ADGRL2: variants seen among roughly 807,000 people sequenced by gnomAD.
ADGRL2 encodes the protein adhesion G protein-coupled receptor L2.
Under a neutral mutation model 157.4 loss-of-function variants are expected in ADGRL2, and 44 were observed. That is an observed-to-expected ratio of 0.28 (90% CI 0.22 to 0.36). The LOEUF is 0.36. Among genes scored for constraint, ADGRL2 ranks in the 10% least tolerant of loss-of-function variants. The pLI is 1.00. For missense variants in ADGRL2, 1,510 were observed against 1,768.9 expected (o/e 0.85, Z 2.63); for synonymous variants, 585 against 624.7 (o/e 0.94, Z 0.95).
intron 1 of ADGRL2, among the ~76,000 whole-genome samples, chr1:81,335,361 T>C (rs577521686): frequency 7.9e-5 from 12 of 152,300 alleles, no homozygotes; most frequent in African/African-American, 2.9e-4. Flanking sequence ...GCCAGAGCTG[T>C]ATCTTAAATC....
intron 1 of ADGRL2, among the ~76,000 whole-genome samples, chr1:81,758,136 G>C (rs2085752355): frequency 6.6e-6 from 1 of 152,132 alleles, no homozygotes; most frequent in Admixed American, 6.6e-5. Flanking sequence ...CCCACATGAA[G>C]TGCAATTTTG....
intron 3 of ADGRL2, among the ~76,000 whole-genome samples, chr1:81,635,861 A>G (rs2082105305): frequency 6.6e-6 from 1 of 151,928 alleles, no homozygotes; most frequent in African/African-American, 2.4e-5. Context: ...TCCATCAGTC[A>G]CTCTATCCCT....
At chr1:81,754,372 T>A (rs991590163) in intron 1 of ADGRL2, among the ~76,000 whole-genome samples, 1 of 151,484 alleles carries the variant, frequency 6.6e-6, no homozygotes, top group Admixed American at 6.6e-5. Flanking sequence ...ACACCCAAAT[T>A]ATAATGAGCA....
intron 3 of ADGRL2, among the ~76,000 whole-genome samples, chr1:81,639,602 AG>A (rs1165977219): frequency 1.0e-4 from 12 of 116,624 alleles, no homozygotes; most frequent in Non-Finnish European, 2.4e-4. Flanking sequence ...ATCAAAAGAA[AG>A]CAGTAGTAAC....
At chr1:81,743,851 A>C in intron 1 of ADGRL2, among the ~76,000 whole-genome samples, 1 of 152,100 alleles carries the variant, frequency 6.6e-6, no homozygotes, top group Middle Eastern at 3.2e-3. Context: ...TGTGCTTTGA[A>C]AAGTGCCCAG....
At chr1:81,330,631 T>C (rs986503183) in intron 1 of ADGRL2, among the ~76,000 whole-genome samples, 1 of 152,168 alleles carries the variant, frequency 6.6e-6, no homozygotes, top group African/African-American at 2.4e-5. Flanking sequence ...TCTTTCCTAT[T>C]ATACCATGGC....
chr1:81,650,797 A>G (rs2082405393), intron 3 of ADGRL2, among the ~76,000 whole-genome samples: 1 of 152,148 alleles, frequency 6.6e-6, no homozygotes. Flanking sequence ...TGCTAGTGCT[A>G]CCTTAATCCT....
intron 2 of ADGRL2, among the ~76,000 whole-genome samples, chr1:81,471,781 G>A (rs2078177899): frequency 1.3e-5 from 2 of 152,124 alleles, no homozygotes; most frequent in African/African-American, 4.8e-5. Context: ...AACTGGATAA[G>A]ACCTAAATTT....
chr1:81,343,391 A>G (rs1172183202), intron 1 of ADGRL2, among the ~76,000 whole-genome samples: 1 of 152,144 alleles, frequency 6.6e-6, no homozygotes, highest in Non-Finnish European at 1.5e-5. Context: ...GGCCTGGCCA[A>G]CAATCTTTCT....
At chr1:81,865,883 G>C (rs558627552) in intron 2 of ADGRL2, among the ~76,000 whole-genome samples, 1 of 152,196 alleles carries the variant, frequency 6.6e-6, no homozygotes, top group East Asian at 1.9e-4. Flanking sequence ...CAGCAGTTTT[G>C]AAGAAGAAGG....
chr1:81,891,526 A>G (rs2094264116), intron 2 of ADGRL2, among the ~76,000 whole-genome samples: 1 of 152,166 alleles, frequency 6.6e-6, no homozygotes, highest in Admixed American at 6.6e-5. Context: ...AAATGTCACC[A>G]TATTTTAAAT....
chr1:81,492,812 A>T (rs1435810063), intron 2 of ADGRL2, among the ~76,000 whole-genome samples: 1 of 152,176 alleles, frequency 6.6e-6, no homozygotes, highest in Non-Finnish European at 1.5e-5. Context: ...GTCAATCAGA[A>T]ATTTGCTTAA....
At chr1:81,345,222 G>T (rs1046949152) in intron 1 of ADGRL2, among the ~76,000 whole-genome samples, 3 of 152,066 alleles carry the variant, frequency 2.0e-5, no homozygotes, top group African/African-American at 7.2e-5. Context: ...CCCAAATATA[G>T]GGCAGCTCTC....
chr1:81,970,477 C>T lies in ADGRL2; in HGVS notation c.2897C>T (p.Ala966Val), dbSNP rs1026402375. Residue 966 changes from alanine to valine, a missense_variant, in exon 16 of 24, where the codon GCC becomes GTC. Physicochemically the swap from Ala to Val is moderately conservative, Grantham distance 64. This residue lies in a region of ADGRL2 where 497 missense variants were observed against 627.2 expected (regional missense o/e 0.79). Coordinates refer to ENST00000686636, the MANE Select transcript of ADGRL2 (RefSeq NM_001366006.2). The part of the protein sequence containing the change: ...YYYVAGYLFP[A>V]TVVGVSAAID... ...TATGTTGCTGGTTACTTGTTTCCTG[C>T]CACAGTGGTTGGAGTTTCAGCTGCT... is the stretch of plus-strand genomic sequence containing the variant. 1.9e-6 allele frequency: 3 copies of T among 1,574,124 alleles called. No individual in the cohort carries two copies. Among genetic ancestry groups the T allele is most frequent in the East Asian group, 4.5e-5 (2 of 44,410 alleles).
At chr1:81,360,652 C>T (rs924767149) in intron 1 of ADGRL2, among the ~76,000 whole-genome samples, 1 of 151,880 alleles carries the variant, frequency 6.6e-6, no homozygotes, top group East Asian at 1.9e-4. Flanking sequence ...TCATAGCCAC[C>T]TTTTCTCATA....
rs573883192 is a variant in ADGRL2 at position 81,533,208 on chromosome 1, G to A, written c.-247-47668G>A. 4.8e-4 allele frequency among the ~76,000 whole-genome samples: 73 copies of A among 151,920 alleles called. 1 individual carries two copies. The highest frequency in any genetic ancestry group is 1.7e-3 in the African/African-American group (69 of 41,440). On this transcript the variant is annotated intron_variant, in intron 2 of 24. Coordinates refer to the ADGRL2 transcript ENST00000370721. Reference sequence around the variant, plus strand: ...AGCCTGGCCAATATGGTGAAGCCCCGTCTCTACTACAAATACAAAAATTAA... The same window carrying A: ...AGCCTGGCCAATATGGTGAAGCCCCATCTCTACTACAAATACAAAAATTAA...
chr1:81,532,942 T>TTCTATCTATCTATCTATCTA (rs10554439), intron 2 of ADGRL2, among the ~76,000 whole-genome samples: 17 of 150,122 alleles, frequency 1.1e-4, no homozygotes, highest in Admixed American at 4.0e-4. Flanking sequence ...CAACAAAAAA[T>TTCTATCTATCTATCTATCTA]TCTATCTATC....
At chr1:81,914,002 A>G (rs1006561612) in intron 3 of ADGRL2, among the ~76,000 whole-genome samples, 1 of 152,066 alleles carries the variant, frequency 6.6e-6, no homozygotes, top group Admixed American at 6.6e-5. Flanking sequence ...ACATACACAC[A>G]CACACACACA....
intron 1 of ADGRL2, among the ~76,000 whole-genome samples, chr1:81,343,045 A>T (rs1328530011): frequency 6.6e-6 from 1 of 151,776 alleles, no homozygotes; most frequent in Non-Finnish European, 1.5e-5. Flanking sequence ...CTATTATTAT[A>T]CAACAATCTT....
Sources: gnomAD v4.1 joint callset for allele counts (sites outside exome capture counted in the v4.1 genomes callset) on GRCh38, gnomAD v4.1.1 for gene constraint, gnomAD v4.1.1 regional missense constraint, MANE v1.5 for transcripts, NCBI Gene and HGNC (gene_info 2026-07-23, HGNC 2026-07-21) for gene names.